WWP1: variants seen among roughly 807,000 people sequenced by gnomAD.
WWP1 encodes NEDD4-like E3 ubiquitin-protein ligase WWP1.
In WWP1, 49 loss-of-function variants were observed where a neutral mutation model predicts 130.6. The observed-to-expected ratio is 0.38, with a 90% CI of 0.30 to 0.48. The LOEUF (loss-of-function observed/expected upper bound fraction) is 0.48. Ranked by LOEUF, WWP1 falls within the 20% of genes least tolerant of loss-of-function variation. The pLI, the probability that WWP1 is intolerant of heterozygous loss-of-function variation, is 0.99. For missense variants in WWP1, 809 were observed against 1,100.6 expected (o/e 0.74, Z 3.75); for synonymous variants, 332 against 367.8 (o/e 0.90, Z 1.11).
intron 5 of WWP1, among the ~76,000 whole-genome samples, chr8:86,392,679 C>T (rs1807421004): frequency 6.6e-6 from 1 of 152,062 alleles, no homozygotes; most frequent in Non-Finnish European, 1.5e-5. Context: ...TTCTCTTTAG[C>T]CTTATTAACT....
intron 11 of WWP1, among the ~76,000 whole-genome samples, chr8:86,428,813 T>C (rs940507861): frequency 6.6e-6 from 1 of 152,150 alleles, no homozygotes; most frequent in African/African-American, 2.4e-5. Context: ...TATAGTAATA[T>C]ATATAGCTAT....
chr8:86,463,254 G>A (rs888036835), intron 24 of WWP1, among the ~76,000 whole-genome samples: 8 of 152,076 alleles, frequency 5.3e-5, no homozygotes, highest in Non-Finnish European at 7.4e-5. Flanking sequence ...TTACCACCAT[G>A]AGCTTGACAG....
intron 5 of WWP1, among the ~76,000 whole-genome samples, chr8:86,394,584 G>A (rs1374742643): frequency 6.6e-6 from 1 of 152,142 alleles, no homozygotes; most frequent in Non-Finnish European, 1.5e-5. Flanking sequence ...GTCTCCTTTA[G>A]GCTAGTCAAG....
chr8:86,435,622 T>G lies in WWP1; in HGVS notation c.1678-11T>G. 3 of 1,613,016 alleles carry G rather than the reference T, an allele frequency of 1.9e-6. No individual in the cohort carries two copies. Among genetic ancestry groups the G allele is most frequent in the Non-Finnish European group, 2.5e-6 (3 of 1,179,446 alleles). On this transcript the variant is annotated splice_polypyrimidine_tract_variant and intron_variant, in intron 15 of 24. Transcript: ENST00000517970. ...ACTCAGATGATATTATGATATTATT[T>G]TTGTTTTTAGTCTAATGCACTACCT...
rs1211454657 is a variant in WWP1 at position 86,383,673 on chromosome 8, G to A, written c.334+2044G>A. Among the ~76,000 whole-genome samples, 4 of 152,236 alleles carry A rather than the reference G, an allele frequency of 2.6e-5. No individual in the cohort carries two copies. The East Asian group carries it at 5.8e-4, about 22-fold the overall frequency. ...AGGAGAATTGCTTGAACTGGGAGACGGAGGTTGCAGTGAACTGAGATTGCG... is the reference window on the plus strand; with the variant it reads ...AGGAGAATTGCTTGAACTGGGAGACAGAGGTTGCAGTGAACTGAGATTGCG... On this transcript the variant is annotated intron_variant, in intron 5 of 24. Coordinates refer to ENST00000517970, the MANE Select transcript of WWP1 (RefSeq NM_007013.4).
At position 86,409,526 on chromosome 8, in the gene WWP1, G is replaced by T. The variant is rs532410403; in HGVS notation, c.725-2012G>T. On this transcript the variant is annotated intron_variant, in intron 8 of 24. Transcript: ENST00000517970. ...TGGGATTACAGGCGTGAGCCACTGT[G>T]CCCAGCCCTGATTTTACTTTATTCT... 6.7e-5 allele frequency among the ~76,000 whole-genome samples: 10 copies of T among 149,964 alleles called. 1 individual carries two copies. The highest frequency in any genetic ancestry group is 2.6e-4 in the Admixed American group (4 of 15,154).
At chr8:86,401,837 T>C (rs1222532382) in intron 7 of WWP1, among the ~76,000 whole-genome samples, 182 bp from the exon 8 acceptor site, 1 of 152,152 alleles carries the variant, frequency 6.6e-6, no homozygotes, top group Non-Finnish European at 1.5e-5. Context: ...TTCATTACTC[T>C]ATTTACCTAT....
intron 5 of WWP1, among the ~76,000 whole-genome samples, chr8:86,396,542 T>G (rs987573855): frequency 6.6e-6 from 1 of 151,912 alleles, no homozygotes; most frequent in African/African-American, 2.4e-5. Flanking sequence ...CTATAAGGTC[T>G]TCTTTTATCA....
intron 9 of WWP1, among the ~76,000 whole-genome samples, chr8:86,422,773 C>T (rs914314063): frequency 2.0e-5 from 3 of 151,948 alleles, no homozygotes; most frequent in African/African-American, 7.3e-5. Flanking sequence ...ATGGGAGAAA[C>T]AAGAGATTGA....
intron 24 of WWP1, among the ~76,000 whole-genome samples, chr8:86,464,620 A>G (rs1353757226): frequency 1.3e-5 from 2 of 152,078 alleles, no homozygotes; most frequent in African/African-American, 4.8e-5. Flanking sequence ...GGTTCAAGCA[A>G]TCCTCCTGCC....
At chr8:86,456,358 C>A (rs1811443182) in intron 21 of WWP1, among the ~76,000 whole-genome samples, 1 of 151,824 alleles carries the variant, frequency 6.6e-6, no homozygotes, top group Non-Finnish European at 1.5e-5. Flanking sequence ...AGACAAAGAT[C>A]TTATATCTGG....
At chr8:86,377,606 C>T (rs902520136) in intron 3 of WWP1, among the ~76,000 whole-genome samples, 3 of 151,702 alleles carry the variant, frequency 2.0e-5, no homozygotes, top group Non-Finnish European at 2.9e-5. Context: ...GATCATGGAA[C>T]GCGGAAAAAC....
rs1281641543 is a variant in WWP1, at chr8:86,430,829, A to ATATATATG, written c.1387+81_1387+82insATATGTAT. On this transcript the variant is annotated intron_variant, in intron 12 of 24. Coordinates refer to ENST00000517970, the MANE Select transcript of WWP1 (RefSeq NM_007013.4). ...TATATATATATATATATATATATAT[A>ATATATATG]TATGTTCCTTATTTTATATATATAT... The ATATATATG allele has an allele frequency of 2.7e-4, 144 of 538,038 alleles. 1 individual carries two copies. Among genetic ancestry groups the ATATATATG allele is most frequent in the African/African-American group, 1.4e-3 (60 of 43,102 alleles). 33.3% of individuals were successfully genotyped at this position (538,038 alleles called of 1,614,324 possible).
intron 8 of WWP1, 129 bp from the exon 9 acceptor site, chr8:86,411,408 TC>T (rs1808575793): frequency 4.4e-6 from 3 of 688,734 alleles, no homozygotes; most frequent in African/African-American, 1.8e-5. Flanking sequence ...TATTACTTTG[TC>T]TGCTGTTTGG....
chr8:86,389,691 C>T (rs986823241), intron 5 of WWP1, among the ~76,000 whole-genome samples: 6 of 152,314 alleles, frequency 3.9e-5, no homozygotes, highest in Admixed American at 6.5e-5. Context: ...GACGGGGTGG[C>T]GGCCAGGCAG....
chr8:86,463,818 T>C (rs1475675128), intron 24 of WWP1, among the ~76,000 whole-genome samples: 2 of 152,002 alleles, frequency 1.3e-5, no homozygotes, highest in Admixed American at 6.5e-5. Flanking sequence ...CCCAGCACTT[T>C]GGAAGGCCGA....
intron 1 of WWP1, among the ~76,000 whole-genome samples, chr8:86,355,823 T>A (rs1272917707): frequency 6.6e-6 from 1 of 152,214 alleles, no homozygotes; most frequent in Non-Finnish European, 1.5e-5. Context: ...GAATAGTAAC[T>A]TCAGATTGAT....
chr8:86,342,686 C>T lies in WWP1; in HGVS notation c.-359C>T, dbSNP rs1822258072. The T allele has an allele frequency of 1.8e-5, 4 of 216,460 alleles. No homozygotes were observed. The highest frequency in any genetic ancestry group is 1.5e-5 in the Non-Finnish European group (2 of 133,558). The allele number at this position is 216,460 out of a possible 1,614,324, so 13.4% of individuals were successfully genotyped here. A position where few individuals can be genotyped will look rare whatever the true frequency, so the allele number is the denominator to read the frequency against. The stretch of plus-strand genomic sequence containing the variant: ...CTCCCGAGGAAGGGAGGTGTGGGGT[C>T]GGCTGGGGGTGGCGCGTGGACGGGG... On this transcript the variant is annotated 5_prime_UTR_variant, in exon 1 of 25. Coordinates refer to ENST00000517970, the MANE Select transcript of WWP1 (RefSeq NM_007013.4).
chr8:86,356,582 G>A (rs370313562), intron 1 of WWP1, among the ~76,000 whole-genome samples: 1 of 151,822 alleles, frequency 6.6e-6, no homozygotes, highest in Non-Finnish European at 1.5e-5. Flanking sequence ...TACCATTTAG[G>A]TTTATCTTTT....
Sources: allele counts gnomAD v4.1 joint callset (sites outside exome capture counted in the v4.1 genomes callset), GRCh38; gene constraint gnomAD v4.1.1; transcripts MANE v1.5; gene names NCBI Gene and HGNC (gene_info 2026-07-23, HGNC 2026-07-21).